The following FBXL14 variants were observed in gnomAD, a reference collection of about 807,000 sequenced individuals.
FBXL14 encodes F-box/LRR-repeat protein 14.
A neutral mutation model predicts 24.5 loss-of-function variants in FBXL14; 11 were observed. That is an observed-to-expected ratio of 0.45 (90% CI 0.28 to 0.74). The LOEUF is 0.74. Ranked by LOEUF, FBXL14 falls within the 30% of genes least tolerant of loss-of-function variation. The pLI is 0.12. For synonymous variants in FBXL14, 294 were observed against 240.4 expected, an observed-to-expected ratio of 1.22 and a Z score of -2.06; for missense variants, 384 against 545.6, an observed-to-expected ratio of 0.70 and a Z score of 2.95.
rs1001245331 is a variant in FBXL14, at chr12:1,567,277, A to G, written c.1195-467T>C. ...CAGGAGTTCGAGACCAGCCTGGCCA[A>G]TATGGCAAAACCCCATCTCTACTAA... On this transcript the variant is annotated intron_variant, in intron 1 of 1. Coordinates refer to ENST00000339235, the MANE Select transcript of FBXL14 (RefSeq NM_152441.3). The surrounding 1 kb of genome is among the most constrained non-coding windows in gnomAD (Gnocchi z 4.8). Among the ~76,000 whole-genome samples, 2 of 152,180 alleles carry G rather than the reference A, an allele frequency of 1.3e-5. No homozygotes were observed. The highest frequency in any genetic ancestry group is 2.4e-5 in the African/African-American group (1 of 41,434).
At chr12:1,588,829 C>T (rs2094482173) in intron 1 of FBXL14, among the ~76,000 whole-genome samples, 1 of 151,938 alleles carries the variant, frequency 6.6e-6, no homozygotes, top group Non-Finnish European at 1.5e-5. Flanking sequence ...TTTGTACCAC[C>T]ACGCAAAGTG....
intron 1 of FBXL14, among the ~76,000 whole-genome samples, chr12:1,572,079 A>C (rs144239716): frequency 4.6e-5 from 7 of 152,364 alleles, no homozygotes; most frequent in African/African-American, 1.4e-4. Context: ...GAGAAACAAG[A>C]GAAGTGGCAG....
At chr12:1,586,574 G>T (rs1374203761) in intron 1 of FBXL14, among the ~76,000 whole-genome samples, 1 of 152,112 alleles carries the variant, frequency 6.6e-6, no homozygotes, top group Admixed American at 6.6e-5. Context: ...CTCCATGCTG[G>T]TCACCTTCTG....
At chr12:1,571,834 CAG>C (rs1195083459) in intron 1 of FBXL14, among the ~76,000 whole-genome samples, 1 of 152,200 alleles carries the variant, frequency 6.6e-6, no homozygotes, top group Admixed American at 6.5e-5. Flanking sequence ...GTATCAACTC[CAG>C]ATCTTCCCAT....
At chr12:1,584,299 T>G (rs538650820) in intron 1 of FBXL14, among the ~76,000 whole-genome samples, 4 of 152,306 alleles carry the variant, frequency 2.6e-5, no homozygotes, top group Admixed American at 2.6e-4. Context: ...TGCAGTGAGA[T>G]ATGATCACAC....
At position 1,566,645 on chromosome 12, in the gene FBXL14, AGG is replaced by A; in HGVS notation, c.*101_*102del. On this transcript the variant is annotated 3_prime_UTR_variant, in exon 2 of 2. Coordinates refer to ENST00000339235, the MANE Select transcript of FBXL14 (RefSeq NM_152441.3). ...CAGCAGCCTCTGCCCGAGCAGTGAC[AGG>A]CAGGGAAACCTGAGCTGTCATCACC... 12 of 744,860 alleles carry A rather than the reference AGG, an allele frequency of 1.6e-5. No homozygotes were observed. The South Asian group carries it at 1.7e-4, about 11-fold the overall frequency. The allele number at this position is 744,860 out of a possible 1,614,324, so 46.1% of individuals were successfully genotyped here.
At position 1,580,532 on chromosome 12, in the gene FBXL14, T is replaced by TGG. The variant is rs149098418; in HGVS notation, c.1194+12339_1194+12340dup. ...AAACAGGACCAAATGGAAAACATAG[T>TGG]GGGGGGGGAGGTCCTTGCTGCCCCC... On this transcript the variant is annotated intron_variant, in intron 1 of 1. Transcript: ENST00000339235. Among the ~76,000 whole-genome samples, 62 of 151,598 alleles carry TGG rather than the reference T, an allele frequency of 4.1e-4. 1 individual carries two copies. The highest frequency in any genetic ancestry group is 1.4e-3 in the African/African-American group (59 of 41,304).
At chr12:1,578,312 G>A (rs952614353) in intron 1 of FBXL14, among the ~76,000 whole-genome samples, 4 of 152,188 alleles carry the variant, frequency 2.6e-5, no homozygotes, top group African/African-American at 9.6e-5. Flanking sequence ...CTAAAATGCT[G>A]TTTTACTCTT....
rs779755194 is a variant in FBXL14 at position 1,593,302 on chromosome 12, C to T, written c.765G>A (p.Leu255=). 2 of 1,613,346 alleles carry T rather than the reference C, an allele frequency of 1.2e-6. No homozygotes were observed. Among genetic ancestry groups the T allele is most frequent in the South Asian group, 2.2e-5 (2 of 91,084 alleles). The stretch of plus-strand genomic sequence containing the variant: ...CACAGGAGCGCAGGTTGAGGCTGCG[C>T]AGGCTGCCCATGTGCGACAGGTGCA... ...GLLHLSHMGS[L]RSLNLRSCDN... is the part of the protein sequence containing the mutation. Residue 255 remains leucine, a synonymous_variant, in exon 1 of 2, where the codon CTG becomes CTA. Coordinates refer to ENST00000339235, the MANE Select transcript of FBXL14 (RefSeq NM_152441.3). The surrounding 1 kb of genome is among the most constrained non-coding windows in gnomAD (Gnocchi z 7.4).
chr12:1,588,254 C>A (rs1448878813), intron 1 of FBXL14, among the ~76,000 whole-genome samples: 3 of 152,120 alleles, frequency 2.0e-5, no homozygotes, highest in Admixed American at 1.3e-4. Flanking sequence ...TTCTCTAAGT[C>A]AAAAGTGAAA....
At position 1,566,822 on chromosome 12, in the gene FBXL14, A is replaced by G. The variant is rs1323572907; in HGVS notation, c.1195-12T>C. 2.6e-6 allele frequency: 2 copies of G among 780,678 alleles called. No individual in the cohort carries two copies. The highest frequency in any genetic ancestry group is 1.7e-5 in the Admixed American group (1 of 58,976). The allele number at this position is 780,678 out of a possible 1,614,324, so 48.4% of individuals were successfully genotyped here. On this transcript the variant is annotated splice_polypyrimidine_tract_variant and intron_variant, in intron 1 of 1. Coordinates refer to ENST00000339235, the MANE Select transcript of FBXL14 (RefSeq NM_152441.3). ...TCCCCTCGTGCCTCCTGCAGTGGGAAGAAGAAAAAGGACCATTTTGAAAGA... is the reference window on the plus strand; with the variant it reads ...TCCCCTCGTGCCTCCTGCAGTGGGAGGAAGAAAAAGGACCATTTTGAAAGA...
At position 1,567,447 on chromosome 12, in the gene FBXL14, C is replaced by T. The variant is rs7955125; in HGVS notation, c.1195-637G>A. On this transcript the variant is annotated intron_variant, in intron 1 of 1. Transcript: ENST00000339235. This position sits in a 1 kb window ranked among gnomAD's most constrained non-coding sequence, Gnocchi z 4.8. ...CAGAGGTTGCAGTGAGCCAAGATCG[C>T]GCCACTGTACTGCAGCCTGGGCGAC... Among the ~76,000 whole-genome samples the T allele has an allele frequency of 0.21, 31,909 of 151,918 alleles. 3,812 individuals carry two copies. Among genetic ancestry groups the T allele is most frequent in the African/African-American group, 0.33 (13,682 of 41,396 alleles).
intron 1 of FBXL14, among the ~76,000 whole-genome samples, chr12:1,585,180 C>CTT: frequency 6.6e-6 from 1 of 152,266 alleles, no homozygotes; most frequent in Non-Finnish European, 1.5e-5. Context: ...AGGCGGATCA[C>CTT]AAGGTCAGGA....
chr12:1,581,591 C>A (rs139828601), intron 1 of FBXL14, among the ~76,000 whole-genome samples: 1 of 152,130 alleles, frequency 6.6e-6, no homozygotes, highest in South Asian at 2.1e-4. Flanking sequence ...TCTAGCTTCC[C>A]GGCAGAAATG....
chr12:1,594,720 G>A (rs1186614527), upstream of FBXL14, among the ~76,000 whole-genome samples: 1 of 149,570 alleles, frequency 6.7e-6, no homozygotes, highest in African/African-American at 2.4e-5. Context: ...CACCAAGGAC[G>A]CCGCGGCCGT....
intron 1 of FBXL14, among the ~76,000 whole-genome samples, chr12:1,590,751 T>C (rs549025944): frequency 1.3e-5 from 2 of 152,274 alleles, no homozygotes; most frequent in African/African-American, 4.8e-5. Context: ...CAGCCGGGCC[T>C]GGAGGGGAAT....
In FBXL14 at chr12:1,594,417, G is replaced by A. The variant is rs2094497437; in HGVS notation, c.-351C>T. Among the ~76,000 whole-genome samples, 2 of 140,692 alleles carry A rather than the reference G, an allele frequency of 1.4e-5. No homozygotes were observed. Among genetic ancestry groups the A allele is most frequent in the Admixed American group, 7.0e-5 (1 of 14,352 alleles). The allele number at this position is 140,692 out of a possible 152,430, so 92.3% of individuals were successfully genotyped here. A position where few individuals can be genotyped will look rare whatever the true frequency, so the allele number is the denominator to read the frequency against. ...ACCCACGCCGCGCCCGGGCCGCGCC[G>A]CTCCGCCCGCGCCGCCGCGCCCACG... On this transcript the variant is annotated 5_prime_UTR_variant, in exon 1 of 2. Transcript: ENST00000339235.
chr12:1,592,190 G>GTATATATATATATATATAATTTA (rs1555152262), intron 1 of FBXL14, among the ~76,000 whole-genome samples: 1 of 139,076 alleles, frequency 7.2e-6, no homozygotes, highest in African/African-American at 2.6e-5. Context: ...ACATATATAT[G>GTATATATATATATATATAATTTA]TATATATATA....
chr12:1,586,493 C>T (rs1243766657), intron 1 of FBXL14, among the ~76,000 whole-genome samples: 4 of 152,138 alleles, frequency 2.6e-5, no homozygotes, highest in Non-Finnish European at 4.4e-5. Flanking sequence ...AGATGTGTGC[C>T]GTGCCTGGCT....
Sources: allele counts gnomAD v4.1 joint callset (sites outside exome capture counted in the v4.1 genomes callset), GRCh38; gene constraint gnomAD v4.1.1; non-coding constraint Gnocchi (gnomAD v3.1); transcripts MANE v1.5; gene names NCBI Gene and HGNC (gene_info 2026-07-23, HGNC 2026-07-21).